The following SEMA3E variants were observed in gnomAD, a reference collection of about 807,000 sequenced individuals.
SEMA3E encodes semaphorin 3E.
A neutral mutation model predicts 93.6 loss-of-function variants in SEMA3E; 49 were observed. The ratio of observed to expected loss-of-function variants is 0.52; its 90% CI spans 0.42 to 0.66. The LOEUF is 0.66. Ranked by LOEUF, SEMA3E falls within the 30% of genes least tolerant of loss-of-function variation. The pLI, the probability that SEMA3E is intolerant of heterozygous loss-of-function variation, is 0.00. For synonymous variants in SEMA3E, 363 were observed against 330.7 expected (o/e 1.10, Z -1.06); for missense variants, 906 against 964.8 (o/e 0.94, Z 0.81).
At chr7:83,569,128 A>C (rs1260915831) in intron 1 of SEMA3E, among the ~76,000 whole-genome samples, 1 of 136,052 alleles carries the variant, frequency 7.4e-6, no homozygotes, top group Non-Finnish European at 1.5e-5. Context: ...AGGCAATCCA[A>C]TTTGCAATAG....
intron 1 of SEMA3E, among the ~76,000 whole-genome samples, chr7:83,590,509 G>A (rs2115943356): frequency 6.6e-6 from 1 of 152,272 alleles, no homozygotes. Context: ...GTACAGAGAA[G>A]CACTAAAAAG....
intron 4 of SEMA3E, among the ~76,000 whole-genome samples, chr7:83,465,067 G>A (rs376948054): frequency 3.4e-4 from 51 of 151,668 alleles, no homozygotes; most frequent in East Asian, 2.3e-3. Flanking sequence ...ATGACATTCC[G>A]CCACAAAAGA....
chr7:83,424,319 C>T (rs1419673673), intron 4 of SEMA3E, among the ~76,000 whole-genome samples: 1 of 152,196 alleles, frequency 6.6e-6, no homozygotes, highest in African/African-American at 2.4e-5. Flanking sequence ...TGTCTAATCA[C>T]TTTGCACAGG....
chr7:83,452,888 G>A (rs1387207905), intron 4 of SEMA3E, among the ~76,000 whole-genome samples: 3 of 152,076 alleles, frequency 2.0e-5, no homozygotes, highest in Admixed American at 6.6e-5. Flanking sequence ...TTTTCTATTA[G>A]CTGCACTGAA....
chr7:83,466,280 T>C (rs1356507545), intron 4 of SEMA3E, among the ~76,000 whole-genome samples: 3 of 152,142 alleles, frequency 2.0e-5, no homozygotes, highest in East Asian at 3.8e-4. Context: ...ATTGAGTGCA[T>C]AGCAAATTAA....
intron 1 of SEMA3E, among the ~76,000 whole-genome samples, chr7:83,492,267 G>A (rs1790401802): frequency 1.3e-5 from 2 of 151,980 alleles, no homozygotes; most frequent in South Asian, 4.2e-4. Flanking sequence ...TTAGTAAGAG[G>A]CAGCCCATCC....
chr7:83,369,085 A>C (rs1459657168), intron 16 of SEMA3E, among the ~76,000 whole-genome samples: 1 of 152,196 alleles, frequency 6.6e-6, no homozygotes, highest in African/African-American at 2.4e-5. Context: ...AACCAAAAAC[A>C]ATCATGTTTT....
At chr7:83,548,829 A>G (rs189922955) in intron 1 of SEMA3E, among the ~76,000 whole-genome samples, 1 of 152,200 alleles carries the variant, frequency 6.6e-6, no homozygotes. Context: ...CTACTCCCAG[A>G]TGCTCCAACT....
rs889840589 is a variant in SEMA3E, at chr7:83,364,724, G to A, written c.*2862C>T. The stretch of plus-strand genomic sequence containing the variant: ...CCTCTCCTGTAACAAAGATAGAAGA[G>A]GTCTAAAGAAGCAGGAGACCGGCCC... On this transcript the variant is annotated 3_prime_UTR_variant, in exon 17 of 17. Coordinates refer to ENST00000643230, the MANE Select transcript of SEMA3E (RefSeq NM_012431.3). 2 of 152,208 alleles carry A rather than the reference G, an allele frequency of 1.3e-5. No individual in the cohort carries two copies. The highest frequency in any genetic ancestry group is 2.9e-5 in the Non-Finnish European group (2 of 68,048). The allele number at this position is 152,208 out of a possible 1,614,324, so 9.4% of individuals were successfully genotyped here. A position where few individuals can be genotyped will look rare whatever the true frequency, so the allele number is the denominator to read the frequency against.
intron 4 of SEMA3E, among the ~76,000 whole-genome samples, chr7:83,465,188 C>T (rs1006305666): frequency 2.0e-5 from 3 of 152,042 alleles, no homozygotes; most frequent in Non-Finnish European, 2.9e-5. Context: ...GCGACCCCCA[C>T]TCCTGCCCAC....
intron 4 of SEMA3E, among the ~76,000 whole-genome samples, chr7:83,463,808 C>T (rs1316999251): frequency 1.3e-5 from 2 of 152,146 alleles, no homozygotes; most frequent in Non-Finnish European, 2.9e-5. Flanking sequence ...TATTCCACTA[C>T]TCCTCAGGGA....
intron 2 of SEMA3E, among the ~76,000 whole-genome samples, chr7:83,472,107 C>T (rs1789909772): frequency 6.6e-6 from 1 of 152,158 alleles, no homozygotes; most frequent in African/African-American, 2.4e-5. Flanking sequence ...CAAATTGTTA[C>T]CTTTTTGTAC....
chr7:83,438,480 A>G (rs1789047730), intron 4 of SEMA3E, among the ~76,000 whole-genome samples: 1 of 152,158 alleles, frequency 6.6e-6, no homozygotes, highest in African/African-American at 2.4e-5. Flanking sequence ...AAGAACTTTA[A>G]TAAATGTAAG....
chr7:83,626,405 G>T (rs1437353673), intron 1 of SEMA3E, among the ~76,000 whole-genome samples: 1 of 151,982 alleles, frequency 6.6e-6, no homozygotes, highest in Non-Finnish European at 1.5e-5. Context: ...TCTATTCAGG[G>T]ATTCAACTTC....
At position 83,469,112 on chromosome 7, in the gene SEMA3E, A is replaced by AT. The variant is rs3842170; in HGVS notation, c.336+130dup. 330,168 of 686,250 alleles carry AT rather than the reference A, an allele frequency of 0.48. 83,879 individuals are homozygous for AT. Among genetic ancestry groups the AT allele is most frequent in the East Asian group, 0.65 (23,642 of 36,586 alleles). 42.5% of individuals were successfully genotyped at this position (686,250 alleles called of 1,614,324 possible). On this transcript the variant is annotated intron_variant, in intron 3 of 16. Transcript: ENST00000643230. ...ATAATTATGTTTTATATGCCTATAT[A>AT]TTTTTTCTTCATGAACCAAATTGCA...
At chr7:83,470,062 A>T (rs2249064) in intron 2 of SEMA3E, among the ~76,000 whole-genome samples, 103,431 of 151,934 alleles carry the variant, frequency 0.68, 36,841 homozygotes, top group Non-Finnish European at 0.79. Flanking sequence ...ATTATTTTTT[A>T]AAAAACATTG....
chr7:83,461,904 C>T (rs1348450898), intron 4 of SEMA3E: 2 of 152,212 alleles, frequency 1.3e-5, no homozygotes, highest in African/African-American at 4.8e-5. Context: ...GCCAGGCGTT[C>T]CTCCAGAACC....
chr7:83,368,305 C>G (rs1302599855), intron 16 of SEMA3E, among the ~76,000 whole-genome samples: 1 of 151,302 alleles, frequency 6.6e-6, no homozygotes, highest in African/African-American at 2.4e-5. Context: ...TATATCAATA[C>G]TGTAAAGTAA....
chr7:83,505,681 A>AGAAC (rs1562810805), intron 1 of SEMA3E, among the ~76,000 whole-genome samples: 1 of 152,134 alleles, frequency 6.6e-6, no homozygotes, highest in South Asian at 2.1e-4. Flanking sequence ...AATTAGTTCT[A>AGAAC]TCATTATGGA....
Sources: gnomAD v4.1 joint callset for allele counts (sites outside exome capture counted in the v4.1 genomes callset) on GRCh38, gnomAD v4.1.1 for gene constraint, MANE v1.5 for transcripts, NCBI Gene and HGNC (gene_info 2026-07-23, HGNC 2026-07-21) for gene names.